Variants in CR2 observed in about 807,000 individuals in gnomAD.
The protein encoded by CR2 is complement C3d receptor 2.
In CR2, 96 loss-of-function variants were observed where a neutral mutation model predicts 123.0. The ratio of observed to expected loss-of-function variants is 0.78; its 90% CI spans 0.66 to 0.93. The LOEUF (loss-of-function observed/expected upper bound fraction) is 0.93. Among genes scored for constraint, CR2 ranks in the 40% least tolerant of loss-of-function variants. CR2 has a pLI of 0.00. For missense variants in CR2, 1,258 were observed against 1,361.0 expected, an observed-to-expected ratio of 0.92 and a Z score of 1.19; for synonymous variants, 484 against 469.5, an observed-to-expected ratio of 1.03 and a Z score of -0.40.
In CR2 at chr1:207,489,142, T is replaced by C. The variant is rs933695572; in HGVS notation, c.*19T>C. ...CCTAAACAGAAATGATCTATTTCAG[T>C]GTGCCTCATTGCTTGGAATTCAGCG... On this transcript the variant is annotated splice_region_variant and 3_prime_UTR_variant, in exon 20 of 20. Transcript: ENST00000367057. 6.6e-6 allele frequency: 1 copy of C among 152,298 alleles called. No homozygotes were observed. Among genetic ancestry groups the C allele is most frequent in the African/African-American group, 2.4e-5 (1 of 41,458 alleles). The allele number at this position is 152,298 out of a possible 1,614,324, so 9.4% of individuals were successfully genotyped here.
chr1:207,474,196 A>G (rs771520591), intron 12 of CR2, 45 bp from the exon 13 acceptor site: 4 of 1,412,836 alleles, frequency 2.8e-6, no homozygotes, highest in East Asian at 2.3e-5. Flanking sequence ...TTGAAGAGAT[A>G]TGATATTGGG....
chr1:207,468,979 C>T, intron 4 of CR2, 80 bp downstream of exon 4: 1 of 1,512,702 alleles, frequency 6.6e-7, no homozygotes, highest in Non-Finnish European at 9.2e-7. Flanking sequence ...CTGCAGAAGT[C>T]TCCTCTGTGA....
chr1:207,469,122 G>C (rs754918026), intron 4 of CR2, 28 bp from the exon 5 acceptor site: 60 of 1,601,198 alleles, frequency 3.7e-5, no homozygotes, highest in Admixed American at 2.3e-4. Flanking sequence ...CTGCCTAATA[G>C]TTCTGAATGA....
intron 1 of CR2, among the ~76,000 whole-genome samples, chr1:207,457,868 T>A (rs1657872206): frequency 6.6e-6 from 1 of 152,132 alleles, no homozygotes; most frequent in Admixed American, 6.6e-5. Context: ...CTAAAAAACC[T>A]CAACTCATCT....
At chr1:207,476,052 A>C (rs893349888) in intron 14 of CR2, among the ~76,000 whole-genome samples, 182 bp from the exon 15 acceptor site, 3 of 152,178 alleles carry the variant, frequency 2.0e-5, no homozygotes, top group Admixed American at 1.3e-4. Flanking sequence ...CATATTGGCT[A>C]TCAGTAGGAA....
chr1:207,472,798 A>G lies in CR2; in HGVS notation c.1597A>G (p.Ile533Val). ...KEITCPPPPV[I>V]YNGAHTGSSL... is the part of the protein sequence containing the mutation. ...AATCACCTGCCCACCACCCCCTGTT[A>G]TCTACAATGGGGCACACACCGGGAG... is the stretch of plus-strand genomic sequence containing the variant. Residue 533 changes from isoleucine to valine, a missense_variant, in exon 10 of 20, where the codon ATC becomes GTC. By Grantham distance (29) the Ile-to-Val change is conservative. Transcript: ENST00000367057. 2 of 1,613,896 alleles carry G rather than the reference A, an allele frequency of 1.2e-6. No homozygotes were observed. Among genetic ancestry groups the G allele is most frequent in the Non-Finnish European group, 1.7e-6 (2 of 1,179,872 alleles).
chr1:207,464,398 TCACTCCCAGC>T (rs984517836), intron 1 of CR2, among the ~76,000 whole-genome samples: 6 of 152,216 alleles, frequency 3.9e-5, no homozygotes, highest in Non-Finnish European at 8.8e-5. Flanking sequence ...TCCTTGTAAG[TCACTCCCAGC>T]CATCCCCCAT....
chr1:207,479,409 A>G, intron 17 of CR2, 129 bp downstream of exon 17: 1 of 692,690 alleles, frequency 1.4e-6, no homozygotes, highest in Non-Finnish European at 2.5e-6. Context: ...TGGTGTTTTA[A>G]AGATACTTCA....
At position 207,469,692 on chromosome 1, in the gene CR2, T is replaced by C. The variant is rs773457629; in HGVS notation, c.818-3T>C. On this transcript the variant is annotated splice_region_variant and splice_polypyrimidine_tract_variant and intron_variant, in intron 5 of 19. Coordinates refer to ENST00000367057, the MANE Select transcript of CR2 (RefSeq NM_001006658.3). ...TTGTCATTTCTTTCTGCAATTCCCC[T>C]AGAAATTTTTTGCCCATCACCTCCC... 3 of 1,613,466 alleles carry C rather than the reference T, an allele frequency of 1.9e-6. No homozygotes were observed. The South Asian group carries it at 3.3e-5, about 18-fold the overall frequency.
rs143572669 is a variant in CR2, at chr1:207,458,332, G to A, written c.58+3856G>A. Among the ~76,000 whole-genome samples the A allele has an allele frequency of 1.2e-3, 181 of 150,692 alleles. 1 individual carries two copies. Among genetic ancestry groups the A allele is most frequent in the African/African-American group, 4.3e-3 (176 of 40,900 alleles). ...CTTTGCTTCTAAAAGTAAGCAGTTC[G>A]ATCCACTCTCTACCCAATTGCCAGA... On this transcript the variant is annotated intron_variant, in intron 1 of 19. Transcript: ENST00000367057.
intron 9 of CR2, chr1:207,471,971 C>T (rs1028740567): frequency 4.4e-6 from 1 of 227,504 alleles, no homozygotes; most frequent in African/African-American, 2.3e-5. Context: ...TAAAAAGGAC[C>T]AGGCACAGTG....
At chr1:207,481,649 T>G (rs1300491114) in intron 18 of CR2, among the ~76,000 whole-genome samples, 1 of 152,172 alleles carries the variant, frequency 6.6e-6, no homozygotes, top group Non-Finnish European at 1.5e-5. Flanking sequence ...CTTCATGATA[T>G]TCACTATTTC....
At chr1:207,471,956 A>C in intron 9 of CR2, 1 of 231,858 alleles carries the variant, frequency 4.3e-6, no homozygotes. Flanking sequence ...AATGTAAATA[A>C]AAAGTAAAAA....
chr1:207,468,262 C>A (rs1658159305), intron 2 of CR2: 1 of 502,496 alleles, frequency 2.0e-6, no homozygotes, highest in African/African-American at 1.9e-5. Context: ...AACTCGCTAC[C>A]CGTGGACAGC....
chr1:207,473,243 C>T, intron 10 of CR2, 64 bp downstream of exon 10: 1 of 1,574,688 alleles, frequency 6.4e-7, no homozygotes, highest in Admixed American at 1.7e-5. Context: ...TATTATCTCC[C>T]ACCCAAAACT....
chr1:207,455,996 G>A (rs1305841376), intron 1 of CR2, among the ~76,000 whole-genome samples: 2 of 152,112 alleles, frequency 1.3e-5, no homozygotes, highest in African/African-American at 2.4e-5. Context: ...AGAGATTTTG[G>A]TTCTTATGAT....
chr1:207,461,376 C>T (rs1657961386), intron 1 of CR2, among the ~76,000 whole-genome samples: 2 of 152,160 alleles, frequency 1.3e-5, no homozygotes, highest in Non-Finnish European at 2.9e-5. Flanking sequence ...TGAAAAATTA[C>T]TTTCTCCATC....
chr1:207,468,115 T>C (rs1658155405), intron 2 of CR2, among the ~76,000 whole-genome samples: 2 of 152,182 alleles, frequency 1.3e-5, no homozygotes, highest in South Asian at 4.1e-4. Context: ...ATTTGTGGCA[T>C]AAAATGGATA....
chr1:207,473,964 T>G, intron 12 of CR2, 79 bp downstream of exon 12: 1 of 1,358,750 alleles, frequency 7.4e-7, no homozygotes, highest in South Asian at 1.2e-5. Context: ...CTTGTCTTGG[T>G]GGCATCCTTT....
Sources: allele counts gnomAD v4.1 joint callset (sites outside exome capture counted in the v4.1 genomes callset), GRCh38; gene constraint gnomAD v4.1.1; transcripts MANE v1.5; gene names NCBI Gene and HGNC (gene_info 2026-07-23, HGNC 2026-07-21).